The following BTRC variants were observed in gnomAD, a reference collection of about 807,000 sequenced individuals.
BTRC encodes F-box/WD repeat-containing protein 1A.
A neutral mutation model predicts 85.5 loss-of-function variants in BTRC; 42 were observed. The observed-to-expected ratio is 0.49, with a 90% confidence interval of 0.38 to 0.64. The LOEUF (loss-of-function observed/expected upper bound fraction) is 0.64, where lower values mean the gene tolerates loss of function less well. BTRC is among the 30% of genes least tolerant of loss of function. The pLI is 0.00. For missense variants in BTRC, 594 were observed against 743.5 expected (o/e 0.80, Z 2.34); for synonymous variants, 255 against 263.3 (o/e 0.97, Z 0.30).
At chr10:101,513,361 G>A (rs962757885) in intron 4 of BTRC, among the ~76,000 whole-genome samples, 1 of 152,102 alleles carries the variant, frequency 6.6e-6, no homozygotes, top group Non-Finnish European at 1.5e-5. Context: ...TTCAATGAAT[G>A]TTGGCAACTG....
chr10:101,382,531 T>C (rs1268655419), intron 1 of BTRC, among the ~76,000 whole-genome samples: 1 of 152,136 alleles, frequency 6.6e-6, no homozygotes, highest in Non-Finnish European at 1.5e-5. Flanking sequence ...GTTTTTTTTT[T>C]CTTAGTGCAC....
intron 2 of BTRC, among the ~76,000 whole-genome samples, chr10:101,449,684 A>G (rs1448296756): frequency 1.3e-5 from 2 of 152,124 alleles, no homozygotes; most frequent in Non-Finnish European, 2.9e-5. Flanking sequence ...CATGATACGT[A>G]TTCTTGGCTT....
chr10:101,451,153 G>A (rs1944945696), intron 2 of BTRC, among the ~76,000 whole-genome samples: 1 of 152,114 alleles, frequency 6.6e-6, no homozygotes, highest in East Asian at 1.9e-4. Flanking sequence ...TTCTGTGCCA[G>A]GAATAGTTTG....
chr10:101,463,362 TAG>T (rs1322108064), intron 3 of BTRC, among the ~76,000 whole-genome samples: 10 of 152,038 alleles, frequency 6.6e-5, no homozygotes, highest in African/African-American at 2.4e-4. Flanking sequence ...GTATTTTTAG[TAG>T]AGACAGGGTT....
Position 101,549,654 on chromosome 10 carries a change from C to T in BTRC, c.1657-1045C>T, listed in dbSNP as rs1589632588. 2.3e-5 allele frequency among the ~76,000 whole-genome samples: 3 copies of T among 129,650 alleles called. No individual in the cohort carries two copies. The East Asian group carries it at 7.0e-4, about 30-fold the overall frequency. The allele number at this position is 129,650 out of a possible 152,430, so 85.1% of individuals were successfully genotyped here. The stretch of plus-strand genomic sequence containing the variant: ...GCGTGAACCCGGGAGGCAGAGCTTG[C>T]GGTGAGCTGAGATGGCACCACTGCA... On this transcript the variant is annotated intron_variant, in intron 13 of 14. Coordinates refer to ENST00000370187, the MANE Select transcript of BTRC (RefSeq NM_033637.4).
intron 1 of BTRC, among the ~76,000 whole-genome samples, chr10:101,416,502 G>T (rs1943949428): frequency 6.6e-6 from 1 of 152,072 alleles, no homozygotes; most frequent in South Asian, 2.1e-4. Flanking sequence ...GCCCTTCATT[G>T]TTCTGGTTCA....
At chr10:101,368,813 G>T (rs1403889855) in intron 1 of BTRC, among the ~76,000 whole-genome samples, 2 of 152,074 alleles carry the variant, frequency 1.3e-5, no homozygotes, top group Non-Finnish European at 2.9e-5. Context: ...GAGGCCAGGA[G>T]TTCGAGTCTA....
chr10:101,458,325 G>A (rs558969128), intron 2 of BTRC, among the ~76,000 whole-genome samples: 3 of 152,242 alleles, frequency 2.0e-5, no homozygotes, highest in African/African-American at 7.2e-5. Flanking sequence ...AAATTATTGA[G>A]CCAACAAATC....
intron 1 of BTRC, among the ~76,000 whole-genome samples, chr10:101,420,506 C>A (rs570674141): frequency 6.6e-6 from 1 of 152,156 alleles, no homozygotes; most frequent in Admixed American, 6.5e-5. Flanking sequence ...TCACTGCCAT[C>A]CCCCCACCCT....
intron 1 of BTRC, among the ~76,000 whole-genome samples, chr10:101,361,448 A>G (rs890893391): frequency 8.5e-5 from 13 of 152,248 alleles, no homozygotes; most frequent in African/African-American, 2.7e-4. Context: ...CTAAATGTGT[A>G]TAGTGAGAAT....
chr10:101,466,990 A>G (rs972651854), intron 3 of BTRC, among the ~76,000 whole-genome samples: 3 of 152,194 alleles, frequency 2.0e-5, no homozygotes, highest in African/African-American at 7.2e-5. Context: ...GAGTAGGAGG[A>G]AAAAGCACAT....
At chr10:101,429,242 C>T (rs1412165753) in intron 1 of BTRC, among the ~76,000 whole-genome samples, 1 of 151,936 alleles carries the variant, frequency 6.6e-6, no homozygotes, top group Non-Finnish European at 1.5e-5. Context: ...AAAATTTCAT[C>T]CTGGGATACT....
intron 1 of BTRC, among the ~76,000 whole-genome samples, chr10:101,372,014 A>T (rs1024956221): frequency 2.6e-5 from 4 of 151,828 alleles, no homozygotes; most frequent in Non-Finnish European, 4.4e-5. Context: ...TATTGAAAAG[A>T]TTGTTCTTTT....
intron 3 of BTRC, among the ~76,000 whole-genome samples, chr10:101,463,503 T>C (rs1479256347): frequency 6.6e-6 from 1 of 152,180 alleles, no homozygotes; most frequent in African/African-American, 2.4e-5. Flanking sequence ...TAATATAAAA[T>C]TGGATACAAT....
At chr10:101,488,252 G>A (rs1168849575) in intron 4 of BTRC, among the ~76,000 whole-genome samples, 1 of 152,182 alleles carries the variant, frequency 6.6e-6, no homozygotes, top group Non-Finnish European at 1.5e-5. Flanking sequence ...AATCCAGGCA[G>A]CCAGCTATGT....
chr10:101,445,867 G>A (rs905620693), intron 2 of BTRC, among the ~76,000 whole-genome samples: 2 of 152,126 alleles, frequency 1.3e-5, no homozygotes, highest in African/African-American at 2.4e-5. Flanking sequence ...GCTTAATGAC[G>A]GGGAGGGTGT....
intron 1 of BTRC, among the ~76,000 whole-genome samples, chr10:101,402,204 T>C (rs1401203015): frequency 6.6e-6 from 1 of 152,236 alleles, no homozygotes; most frequent in Non-Finnish European, 1.5e-5. Context: ...GAGGAGGTTA[T>C]GTTTTTTTAA....
chr10:101,383,845 T>C (rs1484546603), intron 1 of BTRC, among the ~76,000 whole-genome samples: 1 of 152,212 alleles, frequency 6.6e-6, no homozygotes, highest in Non-Finnish European at 1.5e-5. Context: ...TTATCTATGT[T>C]GTAATGAAAA....
intron 3 of BTRC, among the ~76,000 whole-genome samples, chr10:101,466,841 A>G (rs1945385290): frequency 6.6e-6 from 1 of 152,148 alleles, no homozygotes; most frequent in South Asian, 2.1e-4. Context: ...CTTTTCTACC[A>G]TATTCCCCTC....
Sources: gnomAD v4.1 joint callset for allele counts (sites outside exome capture counted in the v4.1 genomes callset) on GRCh38, gnomAD v4.1.1 for gene constraint, MANE v1.5 for transcripts, NCBI Gene and HGNC (gene_info 2026-07-23, HGNC 2026-07-21) for gene names.